The following ESRRG variants were observed in gnomAD, a reference collection of about 807,000 sequenced individuals.
ESRRG encodes the protein estrogen-related receptor gamma.
Under a neutral mutation model 44.0 loss-of-function variants are expected in ESRRG, and 13 were observed. The ratio of observed to expected loss-of-function variants is 0.30; its 90% CI spans 0.19 to 0.47. ESRRG has a LOEUF of 0.47. Ranked by LOEUF, ESRRG falls within the 20% of genes least tolerant of loss-of-function variation. ESRRG has a pLI of 1.00. For synonymous variants in ESRRG, 215 were observed against 214.6 expected (o/e 1.00, Z -0.02); for missense variants, 395 against 580.6 (o/e 0.68, Z 3.29).
intron 2 of ESRRG, among the ~76,000 whole-genome samples, chr1:216,806,344 T>C (rs1170227003): frequency 6.6e-6 from 1 of 152,204 alleles, no homozygotes; most frequent in Non-Finnish European, 1.5e-5. Context: ...TGAAATGTCA[T>C]GTTGCTGCAA....
At chr1:216,804,230 A>C (rs1395524893) in intron 2 of ESRRG, among the ~76,000 whole-genome samples, 1 of 152,098 alleles carries the variant, frequency 6.6e-6, no homozygotes. Context: ...TCAATATCTC[A>C]TTCAGGTGTA....
At chr1:216,598,775 C>T (rs1350052128) in intron 3 of ESRRG, among the ~76,000 whole-genome samples, 2 of 151,778 alleles carry the variant, frequency 1.3e-5, no homozygotes, top group African/African-American at 4.8e-5. Context: ...GGGTTTGCTT[C>T]TAAGCTATTT....
At chr1:217,023,279 A>G (rs892794218) in intron 1 of ESRRG, among the ~76,000 whole-genome samples, 1 of 152,172 alleles carries the variant, frequency 6.6e-6, no homozygotes, top group African/African-American at 2.4e-5. Flanking sequence ...ACGTAAACCA[A>G]TAAGGCCCAT....
At chr1:217,003,032 C>T (rs1342086266) in intron 1 of ESRRG, among the ~76,000 whole-genome samples, 1 of 152,142 alleles carries the variant, frequency 6.6e-6, no homozygotes, top group East Asian at 1.9e-4. Context: ...ATAATCTGTA[C>T]AGTGATCATC....
intron 3 of ESRRG, among the ~76,000 whole-genome samples, chr1:216,642,557 T>C (rs368288754): frequency 5.3e-5 from 8 of 152,276 alleles, no homozygotes; most frequent in African/African-American, 1.9e-4. Flanking sequence ...GGGAGTTTTG[T>C]TTAATACTCT....
intron 2 of ESRRG, among the ~76,000 whole-genome samples, chr1:216,903,678 A>G (rs771631088): frequency 8.6e-5 from 13 of 151,442 alleles, no homozygotes; most frequent in Non-Finnish European, 1.5e-4. Flanking sequence ...GCAGAAGAGA[A>G]AAAAAAAACA....
intron 2 of ESRRG, among the ~76,000 whole-genome samples, chr1:216,756,178 T>C (rs1195857678): frequency 1.3e-5 from 2 of 152,014 alleles, no homozygotes; most frequent in African/African-American, 2.4e-5. Flanking sequence ...TGCAATAAAA[T>C]GGAAAGCCCT....
chr1:216,973,994 A>G (rs1457998337), intron 1 of ESRRG, among the ~76,000 whole-genome samples: 1 of 152,220 alleles, frequency 6.6e-6, no homozygotes, highest in African/African-American at 2.4e-5. Context: ...TAATTGTCCC[A>G]ACCCCACTAG....
At chr1:216,910,363 C>T (rs1424123650) in intron 2 of ESRRG, among the ~76,000 whole-genome samples, 2 of 152,090 alleles carry the variant, frequency 1.3e-5, no homozygotes, top group African/African-American at 2.4e-5. Context: ...AACTGCACAT[C>T]ATCTCAGCCA....
At chr1:217,134,308 G>T (rs1452885479) in intron 1 of ESRRG, among the ~76,000 whole-genome samples, 3 of 152,124 alleles carry the variant, frequency 2.0e-5, no homozygotes, top group African/African-American at 4.8e-5. Flanking sequence ...CGCAAAGACC[G>T]CCTGGGCACT....
intron 1 of ESRRG, among the ~76,000 whole-genome samples, chr1:217,106,951 C>T (rs1402913442): frequency 6.6e-6 from 1 of 152,164 alleles, no homozygotes; most frequent in African/African-American, 2.4e-5. Flanking sequence ...CCTTTCAGTT[C>T]GTCACCTACC....
At chr1:216,648,270 T>C (rs1312903459) in intron 3 of ESRRG, among the ~76,000 whole-genome samples, 3 of 152,246 alleles carry the variant, frequency 2.0e-5, no homozygotes, top group South Asian at 4.1e-4. Context: ...AAAAAGAATA[T>C]TCCACATTTA....
At chr1:217,051,204 C>CGGGGGG (rs1164233806) in intron 1 of ESRRG, among the ~76,000 whole-genome samples, 3 of 33,588 alleles carry the variant, frequency 8.9e-5, no homozygotes, top group African/African-American at 3.9e-4. Flanking sequence ...ATAATGGGGG[C>CGGGGGG]GGGGGGGGGG....
intron 5 of ESRRG, among the ~76,000 whole-genome samples, chr1:216,556,278 T>C (rs1464487887): frequency 6.6e-6 from 1 of 152,134 alleles, no homozygotes; most frequent in Non-Finnish European, 1.5e-5. Flanking sequence ...GATGTTTTGA[T>C]AATCCTCAGG....
At chr1:216,788,084 G>C (rs2094192808) in intron 2 of ESRRG, among the ~76,000 whole-genome samples, 2 of 152,190 alleles carry the variant, frequency 1.3e-5, no homozygotes. Flanking sequence ...AAAGTGCAAG[G>C]TGAAGCAGCA....
intron 2 of ESRRG, among the ~76,000 whole-genome samples, chr1:216,659,915 A>C (rs1010664061): frequency 2.6e-5 from 4 of 152,174 alleles, no homozygotes; most frequent in African/African-American, 9.7e-5. Context: ...TGTCAGGTCA[A>C]GTCAATGACC....
chr1:216,756,859 T>C (rs1441283777), intron 2 of ESRRG, among the ~76,000 whole-genome samples: 1 of 151,962 alleles, frequency 6.6e-6, no homozygotes, highest in Non-Finnish European at 1.5e-5. Flanking sequence ...TTTGGGAATA[T>C]CTTTGGGATC....
At chr1:216,954,014 T>C (rs1447497877) in intron 1 of ESRRG, among the ~76,000 whole-genome samples, 1 of 152,108 alleles carries the variant, frequency 6.6e-6, no homozygotes, top group Admixed American at 6.6e-5. Flanking sequence ...ATCATTACTT[T>C]AGATTTTCTA....
chr1:217,021,640 G>A (rs984743858), intron 1 of ESRRG, among the ~76,000 whole-genome samples: 3 of 152,176 alleles, frequency 2.0e-5, no homozygotes, highest in African/African-American at 4.8e-5. Context: ...AAGGACTTAC[G>A]AAACAGGGAC....
Sources: gnomAD v4.1 joint callset for allele counts (sites outside exome capture counted in the v4.1 genomes callset) on GRCh38, gnomAD v4.1.1 for gene constraint, MANE v1.5 for transcripts, NCBI Gene and HGNC (gene_info 2026-07-23, HGNC 2026-07-21) for gene names.